Variants in CA8 observed in about 807,000 individuals in gnomAD.
CA8 encodes the protein carbonic anhydrase-related protein.
Under a neutral mutation model 41.4 loss-of-function variants are expected in CA8, and 22 were observed. That is an observed-to-expected ratio of 0.53 (90% CI 0.38 to 0.76). CA8 has a LOEUF of 0.76. Ranked by LOEUF, CA8 falls within the 30% of genes least tolerant of loss-of-function variation. The pLI is 0.00. For synonymous variants in CA8, 121 were observed against 130.6 expected, an observed-to-expected ratio of 0.93 and a Z score of 0.50; for missense variants, 270 against 352.8, an observed-to-expected ratio of 0.77 and a Z score of 1.88.
At chr8:60,197,670 A>AC (rs1378420859) in intron 8 of CA8, among the ~76,000 whole-genome samples, 4 of 152,146 alleles carry the variant, frequency 2.6e-5, no homozygotes, top group Non-Finnish European at 5.9e-5. Context: ...GGATGCTATC[A>AC]CTAAGAGGAG....
chr8:60,267,059 C>T lies in CA8; in HGVS notation c.293-1010G>A, dbSNP rs781373397. Among the ~76,000 whole-genome samples, 12 of 152,156 alleles carry T rather than the reference C, an allele frequency of 7.9e-5. 1 individual carries two copies. The highest frequency in any genetic ancestry group is 4.1e-4 in the South Asian group (2 of 4,830). On this transcript the variant is annotated intron_variant, in intron 2 of 8. Transcript: ENST00000317995. Reference sequence around the variant, plus strand: ...GACATAACAGATTCCACACCTCTCTCGAGGAAGAGTTCTTTCATCCTTACC... The same window carrying T: ...GACATAACAGATTCCACACCTCTCTTGAGGAAGAGTTCTTTCATCCTTACC...
At chr8:60,254,266 CA>C (rs1383861559) in intron 3 of CA8, among the ~76,000 whole-genome samples, 1 of 152,202 alleles carries the variant, frequency 6.6e-6, no homozygotes, top group Non-Finnish European at 1.5e-5. Context: ...CCCTCCCTAA[CA>C]GACTCAAAAC....
At chr8:60,249,101 C>T (rs1462264826) in intron 3 of CA8, among the ~76,000 whole-genome samples, 1 of 152,106 alleles carries the variant, frequency 6.6e-6, no homozygotes, top group East Asian at 1.9e-4. Context: ...TAAATTATAT[C>T]TCAATAAAGC....
rs1030582315 is a variant in CA8, at chr8:60,189,463, T to C, written c.*558A>G. The C allele has an allele frequency of 6.6e-5, 10 of 152,178 alleles. No homozygotes were observed. Among genetic ancestry groups the C allele is most frequent in the African/African-American group, 2.4e-4 (10 of 41,454 alleles). 9.4% of individuals were successfully genotyped at this position (152,178 alleles called of 1,614,324 possible). ...TGTTTCCCATGGCAATCCAGCCTAA[T>C]ATTAATTGTGGTATGGGTGCTGAAA... On this transcript the variant is annotated 3_prime_UTR_variant, in exon 9 of 9. Transcript: ENST00000317995.
chr8:60,270,816 T>C (rs963472218), intron 2 of CA8, among the ~76,000 whole-genome samples: 1 of 152,246 alleles, frequency 6.6e-6, no homozygotes, highest in African/African-American at 2.4e-5. Context: ...AATAGTATCA[T>C]TTAGTTCTTT....
rs111642338 is a variant in CA8, at chr8:60,238,325, G to A, written c.418-5946C>T. Reference sequence around the variant, plus strand: ...TACCAAAGAATGAATCATGAGGAACGGAAAAAGTAGTAAACACTGAAAAGG... The same window carrying A: ...TACCAAAGAATGAATCATGAGGAACAGAAAAAGTAGTAAACACTGAAAAGG... On this transcript the variant is annotated intron_variant, in intron 3 of 8. Coordinates refer to ENST00000317995, the MANE Select transcript of CA8 (RefSeq NM_004056.6). 6.5e-3 allele frequency among the ~76,000 whole-genome samples: 988 copies of A among 152,208 alleles called. 10 individuals are homozygous for A. The highest frequency in any genetic ancestry group is 0.022 in the African/African-American group (927 of 41,528).
intron 2 of CA8, among the ~76,000 whole-genome samples, chr8:60,272,532 CT>C (rs1804105992): frequency 6.6e-6 from 1 of 152,150 alleles, no homozygotes; most frequent in Non-Finnish European, 1.5e-5. Context: ...AAGGATTGGC[CT>C]TTCCTCATAC....
rs774872914 is a variant in CA8, at chr8:60,279,777, G to T, written c.204C>A (p.Val68=). The T allele has an allele frequency of 6.2e-7, 1 of 1,614,092 alleles. No homozygotes were observed. The highest frequency in any genetic ancestry group is 8.5e-7 in the Non-Finnish European group (1 of 1,179,998). The change falls in exon 2 of 9, where the codon GTC becomes GTA. Residue 68 remains valine (V), a synonymous_variant. Coordinates refer to ENST00000317995, the MANE Select transcript of CA8 (RefSeq NM_004056.6). ...ACACCACATAATTTGGGGAGAGGCG[G>T]ACATCCAACAGCGAGGGGTCATACC... The part of the protein sequence containing the change: ...EARYDPSLLD[V]RLSPNYVVCR...
rs575360474 is a variant in CA8, at chr8:60,248,847, C to G, written c.418-16468G>C. Among the ~76,000 whole-genome samples, 15 of 152,094 alleles carry G rather than the reference C, an allele frequency of 9.9e-5. 1 individual carries two copies. The South Asian group carries it at 3.1e-3, about 32-fold the overall frequency. On this transcript the variant is annotated intron_variant, in intron 3 of 8. Coordinates refer to ENST00000317995, the MANE Select transcript of CA8 (RefSeq NM_004056.6). ...ATATATAATGCTATATAAATTACTT[C>G]GGGCAGTATGGCCATTTTCACGATA...
intron 8 of CA8, among the ~76,000 whole-genome samples, chr8:60,193,429 G>A (rs142175619): frequency 1.2e-4 from 18 of 152,188 alleles, no homozygotes; most frequent in African/African-American, 3.6e-4. Flanking sequence ...CTCCTGTTTC[G>A]TGGATCCCAC....
chr8:60,193,688 C>A (rs1465369211), intron 8 of CA8, among the ~76,000 whole-genome samples: 1 of 152,106 alleles, frequency 6.6e-6, no homozygotes, highest in Non-Finnish European at 1.5e-5. Flanking sequence ...TTGATTTTGA[C>A]ATGTTTGTTG....
chr8:60,267,325 C>T (rs1803934319), intron 2 of CA8, among the ~76,000 whole-genome samples: 1 of 152,128 alleles, frequency 6.6e-6, no homozygotes, highest in African/African-American at 2.4e-5. Context: ...GATAAAGGTG[C>T]CCTACAAATC....
intron 3 of CA8, among the ~76,000 whole-genome samples, chr8:60,260,561 C>G (rs11988472): frequency 2.6e-5 from 4 of 152,204 alleles, no homozygotes; most frequent in African/African-American, 9.6e-5. Flanking sequence ...AGAGGATAAT[C>G]CTTAAATGAA....
At chr8:60,226,055 G>A (rs1807427980) in intron 5 of CA8, among the ~76,000 whole-genome samples, 1 of 152,034 alleles carries the variant, frequency 6.6e-6, no homozygotes, top group Non-Finnish European at 1.5e-5. Flanking sequence ...CCTTCTCTTG[G>A]ATATTATCTT....
chr8:60,203,436 A>G (rs1806490739), intron 8 of CA8, among the ~76,000 whole-genome samples: 1 of 152,188 alleles, frequency 6.6e-6, no homozygotes, highest in Admixed American at 6.5e-5. Flanking sequence ...TCAATTCCTT[A>G]ACCCCTTATT....
intron 7 of CA8, among the ~76,000 whole-genome samples, chr8:60,214,160 C>T (rs548859630): frequency 2.6e-5 from 4 of 152,178 alleles, no homozygotes; most frequent in Non-Finnish European, 5.9e-5. Flanking sequence ...ATATAAAGAA[C>T]AGAAATGTAT....
At position 60,188,824 on chromosome 8, in the gene CA8, T is replaced by C. The variant is rs73683370; in HGVS notation, c.*1197A>G. 282 of 152,286 alleles carry C rather than the reference T, an allele frequency of 1.9e-3. 1 individual carries two copies. The highest frequency in any genetic ancestry group is 6.6e-3 in the African/African-American group (275 of 41,568). 9.4% of individuals were successfully genotyped at this position (152,286 alleles called of 1,614,324 possible). Reference sequence around the variant, plus strand: ...GTGATTTTCATTTGTATTTAATGCTTCCATTATTACCGTCTCTACTCAACA... The same window carrying C: ...GTGATTTTCATTTGTATTTAATGCTCCCATTATTACCGTCTCTACTCAACA... On this transcript the variant is annotated 3_prime_UTR_variant, in exon 9 of 9. Transcript: ENST00000317995.
chr8:60,266,315 G>A (rs571048092), intron 2 of CA8, among the ~76,000 whole-genome samples: 11 of 152,262 alleles, frequency 7.2e-5, no homozygotes, highest in African/African-American at 2.6e-4. Context: ...TTTCCTGTGT[G>A]TTTTCAGTCT....
chr8:60,249,520 G>GTTT (rs1249087492), intron 3 of CA8, among the ~76,000 whole-genome samples: 3 of 152,140 alleles, frequency 2.0e-5, no homozygotes, highest in Non-Finnish European at 4.4e-5. Flanking sequence ...AATTTTCATT[G>GTTT]TGTATTTTCA....
Sources: gnomAD v4.1 joint callset for allele counts (sites outside exome capture counted in the v4.1 genomes callset) on GRCh38, gnomAD v4.1.1 for gene constraint, MANE v1.5 for transcripts, NCBI Gene and HGNC (gene_info 2026-07-23, HGNC 2026-07-21) for gene names.